The following ABR variants were observed in gnomAD, a reference collection of about 807,000 sequenced individuals.
ABR encodes ABR activator of RhoGEF and GTPase, also known as active breakpoint cluster region-related protein.
A neutral mutation model predicts 107.2 loss-of-function variants in ABR; 35 were observed. The observed-to-expected ratio is 0.33, with a 90% CI of 0.25 to 0.43. The LOEUF is 0.43. Among genes scored for constraint, ABR ranks in the 20% least tolerant of loss-of-function variants. The pLI, the probability that ABR is intolerant of heterozygous loss-of-function variation, is 1.00. For missense variants in ABR, 815 were observed against 1,115.2 expected, an observed-to-expected ratio of 0.73 and a Z score of 3.83; for synonymous variants, 498 against 462.0, an observed-to-expected ratio of 1.08 and a Z score of -1.00.
At chr17:1,101,859 G>A (rs77253442) in intron 2 of ABR, among the ~76,000 whole-genome samples, 15 of 151,530 alleles carry the variant, frequency 9.9e-5, no homozygotes, top group South Asian at 2.1e-4. Flanking sequence ...TCAGCCTCCC[G>A]AGTAGCTGGG....
intron 1 of ABR, among the ~76,000 whole-genome samples, chr17:1,195,653 A>G (rs1194703439): frequency 3.3e-5 from 5 of 151,168 alleles, no homozygotes; most frequent in Non-Finnish European, 7.4e-5. Flanking sequence ...AAATACAACA[A>G]ATTAGCCGGG....
rs1373165691 is a variant in ABR at position 1,037,903 on chromosome 17, T to C, written c.1791+12147A>G. On this transcript the variant is annotated intron_variant, in intron 16 of 22. Transcript: ENST00000302538. The surrounding 1 kb of genome is among the most constrained non-coding windows in gnomAD (Gnocchi z 4.6). ...GGCTGTGTTTTTCTCTGGGTTCAGT[T>C]TCCACAGCTGTCAAATCAGGAGCTC... Among the ~76,000 whole-genome samples the C allele has an allele frequency of 6.6e-6, 1 of 152,168 alleles. No homozygotes were observed. The highest frequency in any genetic ancestry group is 2.4e-5 in the African/African-American group (1 of 41,440).
At chr17:1,199,593 C>T (rs149325834) in intron 1 of ABR, among the ~76,000 whole-genome samples, 1,547 of 151,280 alleles carry the variant, frequency 0.01, 22 homozygotes, top group Middle Eastern at 0.034. Context: ...GGATTACAGA[C>T]GCCCGCCACC....
intron 1 of ABR, 69 bp from the exon 2 acceptor site, chr17:1,125,436 G>A: frequency 1.9e-6 from 3 of 1,580,724 alleles, no homozygotes; most frequent in Non-Finnish European, 2.6e-6. Flanking sequence ...GTAGCGTAGT[G>A]GGCGCCGGCG....
rs536806011 is a variant in ABR at position 1,164,531 on chromosome 17, T to G, written c.61+15136A>C. 2.0e-5 allele frequency among the ~76,000 whole-genome samples: 3 copies of G among 151,802 alleles called. No homozygotes were observed. In the East Asian group the frequency reaches 5.8e-4, roughly 29 times the overall value. On this transcript the variant is annotated intron_variant, in intron 1 of 22. Coordinates refer to ENST00000302538, the MANE Select transcript of ABR (RefSeq NM_021962.5). ...CCCAGATAAACTGCAAGACTCCCAG[T>G]GAACATGAACGTCAGGTGAGCAACA...
At chr17:1,187,993 A>C (rs1598093051), upstream of ABR, among the ~76,000 whole-genome samples, 1 of 152,066 alleles carries the variant, frequency 6.6e-6, no homozygotes, top group East Asian at 1.9e-4. Context: ...AGGCAGGCGG[A>C]TCACTTGAGG....
At chr17:1,040,991 G>A (rs531589636) in intron 16 of ABR, among the ~76,000 whole-genome samples, 4 of 152,220 alleles carry the variant, frequency 2.6e-5, no homozygotes, top group African/African-American at 9.6e-5. Context: ...TCGGCTCACC[G>A]CAACCTCCAC....
chr17:1,131,210 G>A (rs955373554), intron 1 of ABR, among the ~76,000 whole-genome samples: 6 of 74,064 alleles, frequency 8.1e-5, no homozygotes, highest in Non-Finnish European at 1.6e-4. Flanking sequence ...TGCCTGCCAC[G>A]CACACAGCTC....
chr17:1,034,645 TTACTC>T lies in ABR; in HGVS notation c.1791+15400_1791+15404del, dbSNP rs151120000. On this transcript the variant is annotated intron_variant, in intron 16 of 22. Transcript: ENST00000302538. ...CATCCACCCTCACTGGGTCCCAGCT[TTACTC>T]TACCTCCCTCCAGCAAACGTGCAAT... Among the ~76,000 whole-genome samples the T allele has an allele frequency of 3.7e-3, 563 of 151,914 alleles. 3 individuals are homozygous for T. Among genetic ancestry groups the T allele is most frequent in the African/African-American group, 0.013 (535 of 41,434 alleles).
In ABR at chr17:1,011,165, T is replaced by G. The variant is rs2070503817; in HGVS notation, c.2102-302A>C. On this transcript the variant is annotated intron_variant, in intron 19 of 22. Transcript: ENST00000302538. The surrounding 1 kb of genome is among the most constrained non-coding windows in gnomAD (Gnocchi z 4.8). Reference sequence around the variant, plus strand: ...CATACCATGTGGCCTGCAGCTTCCTTCCGACTGGAACCTCTCCATCGCTAA... The same window carrying G: ...CATACCATGTGGCCTGCAGCTTCCTGCCGACTGGAACCTCTCCATCGCTAA... The G allele has an allele frequency of 2.5e-6, 1 of 393,156 alleles. No individual in the cohort carries two copies. Among genetic ancestry groups the G allele is most frequent in the Admixed American group, 4.0e-5 (1 of 25,172 alleles). The allele number at this position is 393,156 out of a possible 1,614,324, so 24.4% of individuals were successfully genotyped here. A position where few individuals can be genotyped will look rare whatever the true frequency, so the allele number is the denominator to read the frequency against.
intron 21 of ABR, among the ~76,000 whole-genome samples, chr17:1,007,651 C>T (rs961989198): frequency 2.6e-5 from 4 of 152,220 alleles, no homozygotes; most frequent in African/African-American, 7.2e-5. Flanking sequence ...AACTCACACT[C>T]GCCGCAGTCC....
intron 1 of ABR, among the ~76,000 whole-genome samples, chr17:1,166,014 TC>T (rs1317653626): frequency 1.2e-5 from 1 of 86,428 alleles, no homozygotes; most frequent in African/African-American, 4.5e-5. Flanking sequence ...CCCAGCGCGG[TC>T]CCCACCTCCG....
At chr17:1,162,589 C>T (rs559896151) in intron 1 of ABR, among the ~76,000 whole-genome samples, 4 of 152,352 alleles carry the variant, frequency 2.6e-5, no homozygotes, top group East Asian at 3.9e-4. Context: ...CCCACATTTC[C>T]GTCATAGCTC....
chr17:1,053,460 C>G (rs535627850), intron 14 of ABR, among the ~76,000 whole-genome samples: 4 of 149,888 alleles, frequency 2.7e-5, no homozygotes, highest in African/African-American at 4.9e-5. Context: ...AGGGTCAGAG[C>G]GAGGGTTCCG....
At chr17:1,031,643 G>A in intron 16 of ABR, 21 of 1,254,582 alleles carry the variant, frequency 1.7e-5, no homozygotes, top group Non-Finnish European at 2.0e-5. Context: ...AGAGCCGGGC[G>A]CCGGTGTTGG....
At chr17:1,173,976 G>A (rs1387819462) in intron 1 of ABR, among the ~76,000 whole-genome samples, 1 of 152,174 alleles carries the variant, frequency 6.6e-6, no homozygotes, top group East Asian at 1.9e-4. Context: ...CAACACCCAC[G>A]AGAGCCATCA....
At chr17:1,038,931 G>C (rs368231839) in intron 16 of ABR, among the ~76,000 whole-genome samples, 10 of 152,366 alleles carry the variant, frequency 6.6e-5, no homozygotes, top group African/African-American at 2.4e-4. Flanking sequence ...AGGGAGGTTA[G>C]CGGCTCACGG....
chr17:1,042,852 G>C (rs2030881268), intron 16 of ABR, among the ~76,000 whole-genome samples: 1 of 152,236 alleles, frequency 6.6e-6, no homozygotes, highest in South Asian at 2.1e-4. Context: ...AAGAGACGTG[G>C]CATCTACATC....
At chr17:1,019,239 T>A (rs1402549453) in intron 16 of ABR, among the ~76,000 whole-genome samples, 1 of 152,100 alleles carries the variant, frequency 6.6e-6, no homozygotes, top group African/African-American at 2.4e-5. Context: ...CCCCGCCTCC[T>A]CCAGAGAGCC....
Sources: allele counts gnomAD v4.1 joint callset (sites outside exome capture counted in the v4.1 genomes callset), GRCh38; gene constraint gnomAD v4.1.1; non-coding constraint Gnocchi (gnomAD v3.1); transcripts MANE v1.5; gene names NCBI Gene and HGNC (gene_info 2026-07-23, HGNC 2026-07-21).